Variants in ACAD10 observed in about 807,000 individuals in gnomAD.
ACAD10 encodes the protein acyl-CoA dehydrogenase family member 10.
A neutral mutation model predicts 116.8 loss-of-function variants in ACAD10; 112 were observed. The observed-to-expected ratio is 0.96, with a 90% CI of 0.82 to 1.12. The LOEUF is 1.12. Among genes scored for constraint, ACAD10 ranks in the 50% most tolerant of loss-of-function variants. ACAD10 has a pLI of 0.00. For missense variants in ACAD10, 1,259 were observed against 1,350.2 expected (o/e 0.93, Z 1.06); for synonymous variants, 486 against 510.6 (o/e 0.95, Z 0.65).
intron 4 of ACAD10, among the ~76,000 whole-genome samples, chr12:111,706,261 T>C (rs976604477): frequency 1.5e-4 from 23 of 152,150 alleles, no homozygotes; most frequent in African/African-American, 5.6e-4. Flanking sequence ...AGACCAACTA[T>C]GTTGCCTTCT....
intron 4 of ACAD10, among the ~76,000 whole-genome samples, chr12:111,708,895 G>A (rs934286356): frequency 3.9e-5 from 6 of 152,076 alleles, no homozygotes; most frequent in East Asian, 1.9e-4. Flanking sequence ...AAGCAAGGTC[G>A]TCAGAGTACA....
At chr12:111,686,929 A>G (rs1465485858) in intron 1 of ACAD10, among the ~76,000 whole-genome samples, 2 of 152,222 alleles carry the variant, frequency 1.3e-5, no homozygotes, top group African/African-American at 4.8e-5. Flanking sequence ...GTCTTGAACT[A>G]GTATAGTCAT....
intron 16 of ACAD10, chr12:111,747,706 C>T: frequency 8.6e-7 from 1 of 1,156,364 alleles, no homozygotes; most frequent in Non-Finnish European, 1.1e-6. Context: ...TCCTTGGTGG[C>T]TTCCTGGCTC....
At chr12:111,695,308 A>G (rs1321314101) in intron 2 of ACAD10, among the ~76,000 whole-genome samples, 1 of 152,136 alleles carries the variant, frequency 6.6e-6, no homozygotes, top group East Asian at 1.9e-4. Context: ...ATTTAAGGGG[A>G]TATTATTCAG....
At chr12:111,734,141 AG>A in intron 11 of ACAD10, 73 bp downstream of exon 11, 1 of 1,601,660 alleles carries the variant, frequency 6.2e-7, no homozygotes, top group South Asian at 1.1e-5. Context: ...ACTCAGCTGA[AG>A]TAGTCCGTGA....
At chr12:111,702,850 T>C (rs1888389475) in intron 3 of ACAD10, among the ~76,000 whole-genome samples, 1 of 152,102 alleles carries the variant, frequency 6.6e-6, no homozygotes, top group South Asian at 2.1e-4. Context: ...CTTCAGCACT[T>C]TGGGAGGCTG....
At chr12:111,697,776 A>T (rs1018105792) in intron 2 of ACAD10, among the ~76,000 whole-genome samples, 1 of 151,376 alleles carries the variant, frequency 6.6e-6, no homozygotes, top group Non-Finnish European at 1.5e-5. Context: ...TATTAGAGAC[A>T]GGTTTCACTG....
rs553251047 is a variant in ACAD10 at position 111,700,883 on chromosome 12, C to T, written c.188-1279C>T. Among the ~76,000 whole-genome samples, 32 of 151,610 alleles carry T rather than the reference C, an allele frequency of 2.1e-4. 1 individual carries two copies. In the South Asian group the frequency reaches 5.8e-3, roughly 28 times the overall value. ...AAGCGATCCTTCCACCTCAGTTTCC[C>T]GAGTAGCTAGAATTACAGGTGCAAC... is the stretch of plus-strand genomic sequence containing the variant. On this transcript the variant is annotated intron_variant, in intron 2 of 20. Coordinates refer to ENST00000313698, the MANE Select transcript of ACAD10 (RefSeq NM_025247.6).
At chr12:111,748,553 G>C in intron 17 of ACAD10, 78 bp downstream of exon 17, 2 of 1,535,316 alleles carry the variant, frequency 1.3e-6, no homozygotes, top group Non-Finnish European at 1.8e-6. Context: ...CCCTGCTCTT[G>C]TTCAGGACTT....
At position 111,692,780 on chromosome 12, in the gene ACAD10, C is replaced by T. The variant is rs763821234; in HGVS notation, c.71C>T (p.Thr24Ile). Residue 24 changes from threonine to isoleucine, a missense_variant, in exon 2 of 21, where the codon ACC (threonine) becomes ATC (isoleucine). Physicochemically the swap from Thr to Ile is moderately conservative, Grantham distance 89 (BLOSUM62 -1). Transcript: ENST00000313698. Reference protein sequence around the residue: ...WVWRTAFLKHTQRRHQGSHRW... With the variant: ...WVWRTAFLKHIQRRHQGSHRW... ...TGGAGAACAGCCTTCCTGAAACACA[C>T]CCAGCGCAGGCACCAGGGGTCCCAC... is the stretch of plus-strand genomic sequence containing the variant. 1 of 1,614,236 alleles carries T rather than the reference C, an allele frequency of 6.2e-7. No individual in the cohort carries two copies. The highest frequency in any genetic ancestry group is 1.1e-5 in the South Asian group (1 of 91,088).
intron 10 of ACAD10, among the ~76,000 whole-genome samples, chr12:111,733,565 CT>C (rs1889462258): frequency 6.6e-6 from 1 of 152,276 alleles, no homozygotes; most frequent in African/African-American, 2.4e-5. Context: ...AAGCATTAGA[CT>C]CTACCTTTTG....
At chr12:111,703,651 A>G (rs892801694) in intron 3 of ACAD10, among the ~76,000 whole-genome samples, 42 of 152,164 alleles carry the variant, frequency 2.8e-4, no homozygotes, top group African/African-American at 9.9e-4. Context: ...AAGCCCGGCC[A>G]ACATGGTGAA....
Position 111,715,886 on chromosome 12 carries a change from A to G in ACAD10, c.916A>G (p.Asn306Asp), listed in dbSNP as rs1888830169. The G allele has an allele frequency of 1.2e-6, 2 of 1,614,018 alleles. No individual in the cohort carries two copies. The highest frequency in any genetic ancestry group is 1.3e-5 in the African/African-American group (1 of 74,896). ...SNPTYYIRLA[N>D]RDLVLRKKPP... ...TCCAACTTACTACATCAGGCTGGCT[A>G]ATCGTGATCTAGTTCTGAGGAAGAA... Residue 306 changes from asparagine (N) to aspartate (D), a missense_variant, in exon 7 of 21, where the codon AAT becomes GAT. Physicochemically the swap from Asn to Asp is conservative, Grantham distance 23. Coordinates refer to ENST00000313698, the MANE Select transcript of ACAD10 (RefSeq NM_025247.6).
intron 1 of ACAD10, among the ~76,000 whole-genome samples, chr12:111,690,278 T>TTA (rs1433965580): frequency 7.2e-5 from 11 of 152,202 alleles, no homozygotes; most frequent in South Asian, 2.1e-4. Flanking sequence ...TGAAATTCAC[T>TTA]TATATATATA....
Position 111,712,616 on chromosome 12 carries a change from T to G in ACAD10, c.809T>G (p.Leu270Trp), listed in dbSNP as rs1888718808. 1 of 1,614,086 alleles carries G rather than the reference T, an allele frequency of 6.2e-7. No homozygotes were observed. The highest frequency in any genetic ancestry group is 8.5e-7 in the Non-Finnish European group (1 of 1,180,032). ...ACGATGGAAATTCCGAAAGATTCCTTGCAGAAGTACCTCAAAGACTTACTG... is the reference window on the plus strand; with the variant it reads ...ACGATGGAAATTCCGAAAGATTCCTGGCAGAAGTACCTCAAAGACTTACTG... Reference protein sequence around the residue: ...KKTMEIPKDSLQKYLKDLLGI... With the variant: ...KKTMEIPKDSWQKYLKDLLGI... Residue 270 changes from leucine (L) to tryptophan (W), a missense_variant, in exon 6 of 21, where the codon TTG becomes TGG. Physicochemically the swap from Leu to Trp is moderately conservative, Grantham distance 61. Coordinates refer to ENST00000313698, the MANE Select transcript of ACAD10 (RefSeq NM_025247.6).
At chr12:111,716,010 G>A (rs773609584) in intron 7 of ACAD10, 48 bp downstream of exon 7, 1 of 1,609,844 alleles carries the variant, frequency 6.2e-7, no homozygotes, top group South Asian at 1.1e-5. Flanking sequence ...CCTCCACTGT[G>A]CACAAGCTCA....
chr12:111,756,019 G>T, intron 20 of ACAD10: 1 of 860,340 alleles, frequency 1.2e-6, no homozygotes, highest in South Asian at 1.8e-5. Flanking sequence ...AAATTCACAT[G>T]AACTTGGGTT....
At chr12:111,738,185 G>A (rs1889629704) in intron 12 of ACAD10, among the ~76,000 whole-genome samples, 1 of 152,086 alleles carries the variant, frequency 6.6e-6, no homozygotes, top group Non-Finnish European at 1.5e-5. Flanking sequence ...TAAAACCCCT[G>A]TGGTCTTTGA....
At chr12:111,746,335 A>C (rs748563709) in intron 14 of ACAD10, 51 bp downstream of exon 14, 1 of 1,576,744 alleles carries the variant, frequency 6.3e-7, no homozygotes, top group Admixed American at 1.9e-5. Context: ...TGATCTTCAT[A>C]AGAACTCAAT....
Sources: gnomAD v4.1 joint callset for allele counts (sites outside exome capture counted in the v4.1 genomes callset) on GRCh38, gnomAD v4.1.1 for gene constraint, MANE v1.5 for transcripts, NCBI Gene and HGNC (gene_info 2026-07-23, HGNC 2026-07-21) for gene names.